Variants in SNRNP48 observed in about 807,000 individuals in gnomAD.
The protein encoded by SNRNP48 is small nuclear ribonucleoprotein U11/U12 subunit 48.
In SNRNP48, 43 loss-of-function variants were observed where a neutral mutation model predicts 47.0. The observed-to-expected ratio is 0.92, with a 90% CI of 0.72 to 1.18. SNRNP48 has a LOEUF of 1.18. SNRNP48 is among the 50% of genes most tolerant of loss of function. SNRNP48 has a pLI of 0.00. For missense variants in SNRNP48, 396 were observed against 422.2 expected (o/e 0.94, Z 0.54); for synonymous variants, 138 against 144.0 (o/e 0.96, Z 0.30).
chr6:7,591,942 C>A (rs1327054906), intron 1 of SNRNP48, among the ~76,000 whole-genome samples: 2 of 151,844 alleles, frequency 1.3e-5, no homozygotes, highest in African/African-American at 2.4e-5. Flanking sequence ...CTAGTTGTCA[C>A]CTAGTTCCTA....
intron 1 of SNRNP48, among the ~76,000 whole-genome samples, chr6:7,592,556 C>T (rs1759836519): frequency 6.6e-6 from 1 of 152,036 alleles, no homozygotes; most frequent in African/African-American, 2.4e-5. Flanking sequence ...TTTAAATCTT[C>T]ACAATCACTT....
Position 7,602,717 on chromosome 6 carries a change from T to C in SNRNP48, c.690T>C (p.Val230=). The change falls in exon 6 of 9, where the codon GTT becomes GTC. Residue 230 remains valine, a synonymous_variant. Transcript: ENST00000342415. ...RRRQSYRAKN[V]HITKKSYTEV... ...GCCAGTCCTATAGAGCCAAGAATGTTCACATAACCAAGAAATCATATACTG... is the reference window on the plus strand; with the variant it reads ...GCCAGTCCTATAGAGCCAAGAATGTCCACATAACCAAGAAATCATATACTG... 1 of 1,591,106 alleles carries C rather than the reference T, an allele frequency of 6.3e-7. No homozygotes were observed. Among genetic ancestry groups the C allele is most frequent in the Admixed American group, 1.8e-5 (1 of 55,344 alleles).
chr6:7,608,418 G>A (rs553132142), intron 8 of SNRNP48, among the ~76,000 whole-genome samples: 2 of 152,048 alleles, frequency 1.3e-5, no homozygotes, highest in Non-Finnish European at 2.9e-5. Context: ...ATAGCCAGGT[G>A]TGGTGGTTCG....
intron 1 of SNRNP48, among the ~76,000 whole-genome samples, chr6:7,592,060 T>C (rs941586435): frequency 6.6e-6 from 1 of 151,958 alleles, no homozygotes; most frequent in African/African-American, 2.4e-5. Flanking sequence ...CTGTGATGGG[T>C]GGGGTTGGAA....
In SNRNP48 at chr6:7,601,343, T is replaced by A; in HGVS notation, c.414T>A (p.Tyr138Ter). The A allele has an allele frequency of 6.4e-7, 1 of 1,566,270 alleles. No homozygotes were observed. Among genetic ancestry groups the A allele is most frequent in the Non-Finnish European group, 8.6e-7 (1 of 1,167,784 alleles). Residue 138 changes from tyrosine (Y) to a stop codon, truncating the protein, a stop_gained, in exon 5 of 9, where the codon TAT becomes TAA. Transcript: ENST00000342415. LOFTEE classifies it high-confidence loss of function. Reference sequence around the variant, plus strand: ...ATTTTATTTTTACTTTAGGAATTTATTCTTCATTGCCTGTTGAAGTTCCTT... The same window carrying A: ...ATTTTATTTTTACTTTAGGAATTTAATCTTCATTGCCTGTTGAAGTTCCTT... Reference protein sequence around the residue: ...KDSDCYNQRIYSSLPVEVPLN... With the variant: ...KDSDCYNQRI
At chr6:7,606,565 T>C (rs1417675016) in intron 8 of SNRNP48, among the ~76,000 whole-genome samples, 3 of 152,240 alleles carry the variant, frequency 2.0e-5, no homozygotes, top group Non-Finnish European at 2.9e-5. Context: ...TCTTTCTTTT[T>C]CCTGCTAATT....
At chr6:7,598,342 A>C (rs1759946204) in intron 4 of SNRNP48, among the ~76,000 whole-genome samples, 1 of 151,860 alleles carries the variant, frequency 6.6e-6, no homozygotes, top group Admixed American at 6.6e-5. Flanking sequence ...TAAAAATACA[A>C]AAATTAGCCA....
chr6:7,590,263 G>A lies in SNRNP48; in HGVS notation c.6G>A (p.Glu2=), dbSNP rs748934754. The A allele has an allele frequency of 1.3e-5, 17 of 1,338,554 alleles. No individual in the cohort carries two copies. In the South Asian group the frequency reaches 3.2e-4, roughly 25 times the overall value. 82.9% of individuals were successfully genotyped at this position (1,338,554 alleles called of 1,614,324 possible). A position where few individuals can be genotyped will look rare whatever the true frequency, so the allele number is the denominator to read the frequency against. Residue 2 remains glutamate, a synonymous_variant, in exon 1 of 9, where the codon GAG becomes GAA. Coordinates refer to ENST00000342415, the MANE Select transcript of SNRNP48 (RefSeq NM_152551.4). M[E]GEPPPVEERR... ...TTGGCGGGTGGGCTGCAGCTATGGAGGGCGAGCCTCCACCTGTGGAGGAGC... is the reference window on the plus strand; with the variant it reads ...TTGGCGGGTGGGCTGCAGCTATGGAAGGCGAGCCTCCACCTGTGGAGGAGC...
intron 1 of SNRNP48, among the ~76,000 whole-genome samples, chr6:7,591,466 A>T (rs1026006124): frequency 6.6e-6 from 1 of 152,184 alleles, no homozygotes; most frequent in Non-Finnish European, 1.5e-5. Context: ...AAGTTACATG[A>T]CTGATTCCTC....
chr6:7,590,435 C>G, intron 1 of SNRNP48, 22 bp downstream of exon 1: 1 of 1,280,472 alleles, frequency 7.8e-7, no homozygotes, highest in Non-Finnish European at 1.0e-6. Flanking sequence ...GGCCGCGGGG[C>G]CCTTTCGGGG....
rs757726382 is a variant in SNRNP48, at chr6:7,593,866, A to G, written c.270+19A>G. The G allele has an allele frequency of 3.4e-6, 5 of 1,451,252 alleles. No individual in the cohort carries two copies. The highest frequency in any genetic ancestry group is 2.6e-5 in the South Asian group (2 of 77,652). 89.9% of individuals were successfully genotyped at this position (1,451,252 alleles called of 1,614,324 possible). ...AGAAGAGGTACCATATATTTACTATATTATATATACATATATGTCATGCAT... is the reference window on the plus strand; with the variant it reads ...AGAAGAGGTACCATATATTTACTATGTTATATATACATATATGTCATGCAT... On this transcript the variant is annotated intron_variant, in intron 2 of 8. Transcript: ENST00000342415.
chr6:7,597,613 A>C (rs965091760), intron 4 of SNRNP48, among the ~76,000 whole-genome samples: 11 of 152,208 alleles, frequency 7.2e-5, no homozygotes, highest in Admixed American at 2.6e-4. Flanking sequence ...AAATTAATAT[A>C]CAGAAAGTAA....
intron 4 of SNRNP48, among the ~76,000 whole-genome samples, chr6:7,598,200 A>G (rs1158227345): frequency 1.3e-5 from 2 of 151,222 alleles, no homozygotes; most frequent in Admixed American, 1.3e-4. Context: ...AACCTTCTTT[A>G]AAAATTTTTT....
At chr6:7,594,248 G>A (rs1759866521) in intron 3 of SNRNP48, 89 bp downstream of exon 3, 2 of 593,042 alleles carry the variant, frequency 3.4e-6, no homozygotes, top group African/African-American at 1.9e-5. Flanking sequence ...GATTGTATAA[G>A]CATGCTTATG....
At chr6:7,600,595 G>C (rs1759998392) in intron 4 of SNRNP48, 1 of 151,954 alleles carries the variant, frequency 6.6e-6, no homozygotes, top group African/African-American at 2.4e-5. Context: ...ATCATATCAA[G>C]GTATTGTATT....
rs1760213755 is a variant in SNRNP48 at position 7,610,473 on chromosome 6, A to G, written c.*1600A>G. The G allele has an allele frequency of 6.6e-6, 1 of 152,256 alleles. No individual in the cohort carries two copies. Among genetic ancestry groups the G allele is most frequent in the African/African-American group, 2.4e-5 (1 of 41,482 alleles). 9.4% of individuals were successfully genotyped at this position (152,256 alleles called of 1,614,324 possible). ...AATCATGAAATTGCTGCTTTTATAG[A>G]TCAAAACTACTTGAATCATCAGGAA... On this transcript the variant is annotated 3_prime_UTR_variant, in exon 9 of 9. Transcript: ENST00000342415.
chr6:7,611,005 T>C lies in SNRNP48; in HGVS notation c.*2132T>C, dbSNP rs1760224320. On this transcript the variant is annotated 3_prime_UTR_variant, in exon 9 of 9. Transcript: ENST00000342415. Reference sequence around the variant, plus strand: ...AGTTTTTATTTCTAGAGTGCTGCTATGAATAATTACTATAGCTGCTGTCCA... The same window carrying C: ...AGTTTTTATTTCTAGAGTGCTGCTACGAATAATTACTATAGCTGCTGTCCA... The C allele has an allele frequency of 6.6e-6, 1 of 152,218 alleles. No individual in the cohort carries two copies. The allele number at this position is 152,218 out of a possible 1,614,324, so 9.4% of individuals were successfully genotyped here. A position where few individuals can be genotyped will look rare whatever the true frequency, so the allele number is the denominator to read the frequency against.
intron 8 of SNRNP48, 108 bp from the exon 9 acceptor site, chr6:7,608,717 G>A: frequency 2.1e-6 from 1 of 472,634 alleles, no homozygotes; most frequent in Non-Finnish European, 3.6e-6. Flanking sequence ...GAATGTTAAA[G>A]TAGCATATTA....
intron 4 of SNRNP48, among the ~76,000 whole-genome samples, chr6:7,597,875 T>C (rs1039814623): frequency 2.7e-5 from 4 of 150,722 alleles, no homozygotes; most frequent in Admixed American, 6.6e-5. Flanking sequence ...CTTTTTTTTT[T>C]TTTTTTTTGA....
Sources: gnomAD v4.1 joint callset for allele counts (sites outside exome capture counted in the v4.1 genomes callset) on GRCh38, gnomAD v4.1.1 for gene constraint, MANE v1.5 for transcripts, NCBI Gene and HGNC (gene_info 2026-07-23, HGNC 2026-07-21) for gene names.